The following LCOR variants were observed in gnomAD, a reference collection of about 807,000 sequenced individuals.
LCOR encodes the protein ligand-dependent corepressor.
LCOR carries 14 observed loss-of-function variants against 64.4 expected under a neutral mutation model. That is an observed-to-expected ratio of 0.22 (90% CI 0.14 to 0.34). The LOEUF is 0.34. Ranked by LOEUF, LCOR falls within the 10% of genes least tolerant of loss-of-function variation. The probability of loss-of-function intolerance (pLI) is 1.00; values close to 1 mark genes in which losing one functional copy is unlikely to be tolerated. For missense variants in LCOR, 1,686 were observed against 1,765.3 expected (o/e 0.96, Z 0.80); for synonymous variants, 643 against 642.5 (o/e 1.00, Z -0.01).
intron 2 of LCOR, among the ~76,000 whole-genome samples, chr10:96,902,482 T>C (rs1396517057): frequency 6.6e-6 from 1 of 152,260 alleles, no homozygotes; most frequent in African/African-American, 2.4e-5. Flanking sequence ...TTGCTCATTA[T>C]CTATAGAAGT....
intron 7 of LCOR, chr10:96,957,805 G>T: frequency 1.0e-6 from 1 of 985,628 alleles, no homozygotes; most frequent in Non-Finnish European, 1.2e-6. Flanking sequence ...CATAGCTTGG[G>T]TGTGGGTTCC....
At chr10:96,859,149 C>T (rs1037656348) in intron 2 of LCOR, among the ~76,000 whole-genome samples, 4 of 151,924 alleles carry the variant, frequency 2.6e-5, no homozygotes, top group African/African-American at 9.7e-5. Flanking sequence ...TAACTGATAT[C>T]ATCAGGAATG....
At chr10:96,910,054 C>A (rs956654155) in intron 4 of LCOR, among the ~76,000 whole-genome samples, 3 of 151,956 alleles carry the variant, frequency 2.0e-5, no homozygotes, top group Admixed American at 6.6e-5. Flanking sequence ...GAGAGTTTTC[C>A]TTTGCTGTAT....
chr10:96,944,293 T>C, intron 5 of LCOR, 48 bp downstream of exon 5: 2 of 931,546 alleles, frequency 2.1e-6, no homozygotes, highest in South Asian at 9.9e-5. Context: ...TCTTGTATTA[T>C]TGATCTCCTT....
chr10:96,952,862 C>T (rs1416012724), intron 7 of LCOR, among the ~76,000 whole-genome samples: 6 of 152,058 alleles, frequency 3.9e-5, no homozygotes, highest in Non-Finnish European at 7.4e-5. Context: ...CATTTAGATA[C>T]CATGTTGAAA....
rs367740313 is a variant in LCOR, at chr10:96,929,096, G to A, written c.-183-15017G>A. 7.9e-5 allele frequency among the ~76,000 whole-genome samples: 12 copies of A among 152,294 alleles called. No homozygotes were observed. The East Asian group carries it at 1.5e-3, about 20-fold the overall frequency. ...GTTAGCATAATTCTTAAGGGCCCTC[G>A]AATTTGGGGAATCGTAAATGAGCAC... On this transcript the variant is annotated intron_variant, in intron 4 of 7. Transcript: ENST00000421806.
intron 2 of LCOR, among the ~76,000 whole-genome samples, chr10:96,867,962 G>A (rs1347856468): frequency 6.6e-6 from 1 of 151,920 alleles, no homozygotes; most frequent in African/African-American, 2.4e-5. Context: ...TTGGCTCACT[G>A]CAACCTCCGC....
At chr10:96,833,212 C>T (rs1245634335) in intron 1 of LCOR, 194 bp from the exon 2 acceptor site, 4 of 983,772 alleles carry the variant, frequency 4.1e-6, no homozygotes, top group Non-Finnish European at 4.8e-6. Flanking sequence ...CTCTCGTCCC[C>T]TCCCGGGGAT....
At chr10:96,842,764 G>A (rs111863727) in intron 2 of LCOR, among the ~76,000 whole-genome samples, 3,334 of 151,592 alleles carry the variant, frequency 0.022, 48 homozygotes, top group South Asian at 0.052. Flanking sequence ...CCGAGTAGCC[G>A]GGATTACAGG....
chr10:96,893,917 A>T (rs1369922466), intron 2 of LCOR, among the ~76,000 whole-genome samples: 2 of 152,176 alleles, frequency 1.3e-5, no homozygotes, highest in African/African-American at 4.8e-5. Context: ...ACACTACAAC[A>T]GTGAATGTAA....
At chr10:96,942,836 A>C (rs924736495) in intron 4 of LCOR, among the ~76,000 whole-genome samples, 1 of 152,248 alleles carries the variant, frequency 6.6e-6, no homozygotes, top group South Asian at 2.1e-4. Context: ...GAACACTTAT[A>C]TATGGAAATA....
At position 96,952,145 on chromosome 10, in the gene LCOR, G is replaced by A. The variant is rs774593262; in HGVS notation, c.281G>A (p.Gly94Asp). 1.9e-6 allele frequency: 3 copies of A among 1,613,914 alleles called. No homozygotes were observed. Among genetic ancestry groups the A allele is most frequent in the South Asian group, 1.1e-5 (1 of 91,090 alleles). Residue 94 changes from glycine (G) to aspartate (D), a missense_variant, in exon 7 of 8, where the codon GGC becomes GAC. Physicochemically the swap from Gly to Asp is moderately conservative, Grantham distance 94. This residue lies in a region of LCOR where 313 missense variants were observed against 247.2 expected (regional missense o/e 1.27). Transcript: ENST00000421806. Reference protein sequence around the residue: ...DLSTKKSPCAGSTSLSHSPGC... With the variant: ...DLSTKKSPCADSTSLSHSPGC... ...TCCACTAAGAAAAGTCCATGTGCTG[G>A]CAGCACTTCCCTGAGCCACTCTCCA...
At chr10:96,930,006 A>C (rs1232870586) in intron 4 of LCOR, among the ~76,000 whole-genome samples, 1 of 152,230 alleles carries the variant, frequency 6.6e-6, no homozygotes, top group African/African-American at 2.4e-5. Context: ...CACTACAGTA[A>C]CATAAAAAAT....
chr10:96,893,256 A>G (rs1292898141), intron 2 of LCOR, among the ~76,000 whole-genome samples: 1 of 152,192 alleles, frequency 6.6e-6, no homozygotes, highest in African/African-American at 2.4e-5. Flanking sequence ...ACAGAGTTAT[A>G]ATTATTGTTG....
At chr10:96,955,694 C>T in intron 7 of LCOR, 2 of 1,614,142 alleles carry the variant, frequency 1.2e-6, no homozygotes, top group Non-Finnish European at 1.7e-6. Context: ...AGGAAGCAAT[C>T]TCAGTGGTTA....
At chr10:96,863,825 C>G (rs957438804) in intron 2 of LCOR, among the ~76,000 whole-genome samples, 2 of 152,202 alleles carry the variant, frequency 1.3e-5, no homozygotes, top group African/African-American at 2.4e-5. Context: ...GTATGTTCTA[C>G]AGAATGCTAG....
intron 6 of LCOR, among the ~76,000 whole-genome samples, chr10:96,951,210 A>C (rs552984102): frequency 6.6e-6 from 1 of 152,182 alleles, no homozygotes; most frequent in Non-Finnish European, 1.5e-5. Context: ...CTTCTTTTCC[A>C]GGTATTTCAA....
chr10:96,897,339 T>A (rs191083745), intron 2 of LCOR, among the ~76,000 whole-genome samples: 1 of 152,338 alleles, frequency 6.6e-6, no homozygotes, highest in Non-Finnish European at 1.5e-5. Flanking sequence ...TTACTGACCT[T>A]GTAATGACAG....
At chr10:96,838,321 C>A (rs913011569) in intron 2 of LCOR, among the ~76,000 whole-genome samples, 31 of 152,214 alleles carry the variant, frequency 2.0e-4, no homozygotes, top group African/African-American at 7.0e-4. Flanking sequence ...GGGGTCCTGC[C>A]ATGTTGCCCA....
Sources: gnomAD v4.1 joint callset for allele counts (sites outside exome capture counted in the v4.1 genomes callset) on GRCh38, gnomAD v4.1.1 for gene constraint, gnomAD v4.1.1 regional missense constraint, MANE v1.5 for transcripts, NCBI Gene and HGNC (gene_info 2026-07-23, HGNC 2026-07-21) for gene names.